The following LPAR1 variants were observed in gnomAD, a reference collection of about 807,000 sequenced individuals.
LPAR1 encodes the protein lysophosphatidic acid receptor 1, also known as LPA receptor 1.
LPAR1 carries 5 observed loss-of-function variants against 23.8 expected under a neutral mutation model. The observed-to-expected ratio is 0.21, with a 90% CI of 0.11 to 0.44. The LOEUF (loss-of-function observed/expected upper bound fraction) is 0.44. LPAR1 is among the 20% of genes least tolerant of loss of function. The pLI is 0.99. For missense variants in LPAR1, 311 were observed against 482.8 expected (o/e 0.64, Z 3.33); for synonymous variants, 160 against 164.7 (o/e 0.97, Z 0.22).
At chr9:110,890,191 T>C (rs1382314620) in intron 5 of LPAR1, among the ~76,000 whole-genome samples, 2 of 152,088 alleles carry the variant, frequency 1.3e-5, no homozygotes, top group East Asian at 1.9e-4. Context: ...AAAAAATGGC[T>C]AAAATTGATG....
At chr9:110,911,649 G>T in intron 5 of LPAR1, among the ~76,000 whole-genome samples, 1 of 151,918 alleles carries the variant, frequency 6.6e-6, no homozygotes, top group African/African-American at 2.4e-5. Flanking sequence ...TTAAGGCTCA[G>T]ATGACTGTTA....
chr9:110,925,337 G>A (rs2093932534), intron 5 of LPAR1, among the ~76,000 whole-genome samples: 1 of 151,894 alleles, frequency 6.6e-6, no homozygotes, highest in Non-Finnish European at 1.5e-5. Flanking sequence ...CAAGATGCTT[G>A]AGCAGATGCT....
At chr9:110,913,912 T>C (rs2092762633) in intron 5 of LPAR1, among the ~76,000 whole-genome samples, 1 of 152,176 alleles carries the variant, frequency 6.6e-6, no homozygotes. Context: ...GCTATATTTT[T>C]CCACAAGAAA....
intron 4 of LPAR1, among the ~76,000 whole-genome samples, chr9:110,954,045 A>G (rs1003415149): frequency 1.3e-5 from 2 of 152,150 alleles, no homozygotes; most frequent in East Asian, 3.8e-4. Context: ...AATTCAGATT[A>G]AACAATAAAA....
intron 5 of LPAR1, among the ~76,000 whole-genome samples, chr9:110,927,701 C>T (rs2254845): frequency 0.37 from 55,387 of 151,566 alleles, 11,549 homozygotes; most frequent in Non-Finnish European, 0.48. Flanking sequence ...AAAATAAGGC[C>T]AAGGAAAAGT....
chr9:110,919,325 A>G (rs148958437), intron 5 of LPAR1, among the ~76,000 whole-genome samples: 2 of 152,122 alleles, frequency 1.3e-5, no homozygotes, highest in African/African-American at 4.8e-5. Context: ...AATGAATTCT[A>G]CCAGCAACCT....
chr9:111,008,914 T>A (rs966063758), intron 2 of LPAR1, among the ~76,000 whole-genome samples: 1 of 152,008 alleles, frequency 6.6e-6, no homozygotes. Context: ...AGAGAAAAAG[T>A]TCCTAGAAAC....
chr9:110,908,366 G>T (rs2091770600), intron 5 of LPAR1, among the ~76,000 whole-genome samples: 1 of 147,716 alleles, frequency 6.8e-6, no homozygotes, highest in Non-Finnish European at 1.5e-5. Context: ...TTGATACTAA[G>T]TTATTGTCTA....
At chr9:110,938,288 G>A (rs16915569) in intron 5 of LPAR1, among the ~76,000 whole-genome samples, 22,097 of 152,192 alleles carry the variant, frequency 0.15, 1,722 homozygotes, top group South Asian at 0.24. Context: ...GAAGAACTTC[G>A]AGTAGACCAG....
chr9:110,962,204 C>T (rs1283510526), intron 4 of LPAR1, among the ~76,000 whole-genome samples: 2 of 152,158 alleles, frequency 1.3e-5, no homozygotes, highest in African/African-American at 4.8e-5. Flanking sequence ...CTGACCATGA[C>T]AGCTCATTCC....
At chr9:110,968,468 C>T (rs542055167) in intron 4 of LPAR1, among the ~76,000 whole-genome samples, 1 of 152,138 alleles carries the variant, frequency 6.6e-6, no homozygotes, top group South Asian at 2.1e-4. Flanking sequence ...TACCTTGGGA[C>T]ACTTGACATT....
chr9:110,946,168 C>G (rs1336019375), intron 4 of LPAR1, among the ~76,000 whole-genome samples: 1 of 151,948 alleles, frequency 6.6e-6, no homozygotes, highest in Admixed American at 6.6e-5. Flanking sequence ...TCACCCAACA[C>G]TCAGAAAAGA....
intron 2 of LPAR1, among the ~76,000 whole-genome samples, chr9:111,010,928 G>C (rs1386227425): frequency 6.6e-6 from 1 of 152,122 alleles, no homozygotes; most frequent in Non-Finnish European, 1.5e-5. Flanking sequence ...ACATTCCTCT[G>C]ATCTTTGAAA....
At chr9:111,033,320 T>C (rs1205148485) in intron 2 of LPAR1, among the ~76,000 whole-genome samples, 1 of 152,152 alleles carries the variant, frequency 6.6e-6, no homozygotes, top group African/African-American at 2.4e-5. Flanking sequence ...CCAAAGAGTT[T>C]AAATAAAATC....
intron 4 of LPAR1, among the ~76,000 whole-genome samples, chr9:110,963,575 G>T (rs372360660): frequency 6.6e-6 from 1 of 152,032 alleles, no homozygotes; most frequent in African/African-American, 2.4e-5. Flanking sequence ...GAGTTAATGG[G>T]TGCAGAACAC....
At chr9:110,973,774 T>C (rs910100885) in intron 2 of LPAR1, among the ~76,000 whole-genome samples, 2 of 152,212 alleles carry the variant, frequency 1.3e-5, no homozygotes, top group Non-Finnish European at 2.9e-5. Flanking sequence ...AAAAAAATTT[T>C]TCATTTTAAG....
At chr9:110,987,952 A>G (rs910563618) in intron 2 of LPAR1, among the ~76,000 whole-genome samples, 3 of 152,114 alleles carry the variant, frequency 2.0e-5, no homozygotes, top group South Asian at 2.1e-4. Context: ...TTACAAAACC[A>G]TAACAATAAA....
In LPAR1 at chr9:110,873,917, G is replaced by A. The variant is rs971059328; in HGVS notation, c.*1504C>T. 2.0e-5 allele frequency: 3 copies of A among 152,540 alleles called. No individual in the cohort carries two copies. Among genetic ancestry groups the A allele is most frequent in the Non-Finnish European group, 4.4e-5 (3 of 68,046 alleles). The allele number at this position is 152,540 out of a possible 1,614,324, so 9.4% of individuals were successfully genotyped here. ...ATTGCGAGATATATTGGGGTACCTT[G>A]ATTCTTGAGACAGTTGAATTCTTCT... On this transcript the variant is annotated 3_prime_UTR_variant, in exon 6 of 6. Transcript: ENST00000683809.
At chr9:111,024,349 CA>C (rs1357272257) in intron 2 of LPAR1, among the ~76,000 whole-genome samples, 1 of 149,586 alleles carries the variant, frequency 6.7e-6, no homozygotes, top group Non-Finnish European at 1.5e-5. Flanking sequence ...GCAGCTAATA[CA>C]TTCAGTGTGC....
Sources: gnomAD v4.1 joint callset for allele counts (sites outside exome capture counted in the v4.1 genomes callset) on GRCh38, gnomAD v4.1.1 for gene constraint, MANE v1.5 for transcripts, NCBI Gene and HGNC (gene_info 2026-07-23, HGNC 2026-07-21) for gene names.